CYP4F12: variants seen among roughly 807,000 people sequenced by gnomAD.
The protein encoded by CYP4F12 is cytochrome P450 4F12.
A neutral mutation model predicts 56.5 loss-of-function variants in CYP4F12; 60 were observed. The observed-to-expected ratio is 1.06, with a 90% CI of 0.86 to 1.32. The LOEUF (loss-of-function observed/expected upper bound fraction) is 1.32, where lower values mean the gene tolerates loss of function less well. Among genes scored for constraint, CYP4F12 ranks in the 40% most tolerant of loss-of-function variants. The pLI is 0.00. For synonymous variants in CYP4F12, 263 were observed against 264.9 expected (o/e 0.99, Z 0.07); for missense variants, 711 against 683.5 (o/e 1.04, Z -0.45).
At chr19:15,691,608 A>G (rs1020995236) in intron 9 of CYP4F12, among the ~76,000 whole-genome samples, 17 of 152,208 alleles carry the variant, frequency 1.1e-4, no homozygotes, top group African/African-American at 4.1e-4. Context: ...TTTTCTTTCT[A>G]TGGGAGTGGT....
Position 15,684,927 on chromosome 19 carries a change from C to A in CYP4F12, c.985+45C>A, listed in dbSNP as rs766879319. On this transcript the variant is annotated intron_variant, in intron 8 of 12. Transcript: ENST00000550308. ...ACTACAGTGGAGACAGAGGTCCCTC[C>A]ATCTCAGGATCCGGGTGGGTGGACC... 2.5e-5 allele frequency: 40 copies of A among 1,570,328 alleles called. No homozygotes were observed. The South Asian group carries it at 4.5e-4, about 18-fold the overall frequency.
chr19:15,691,950 A>C (rs184473057), intron 9 of CYP4F12, among the ~76,000 whole-genome samples: 1 of 151,542 alleles, frequency 6.6e-6, no homozygotes, highest in East Asian at 1.9e-4. Context: ...TCTTACTGTG[A>C]CTTTTCTTTT....
rs1424470032 is a variant in CYP4F12 at position 15,696,255 on chromosome 19, C to G, written c.1314+30C>G. The G allele has an allele frequency of 6.2e-6, 10 of 1,613,716 alleles. No individual in the cohort carries two copies. The East Asian group carries it at 2.0e-4, about 32-fold the overall frequency. On this transcript the variant is annotated intron_variant, in intron 11 of 12. Transcript: ENST00000550308. ...TGCCTTCCCCATTCACCACCACCAC[C>G]CCCATCCTCTACTTTTGTGTGTGTG... is the stretch of plus-strand genomic sequence containing the variant.
intron 9 of CYP4F12, 84 bp downstream of exon 9, chr19:15,685,281 T>A: frequency 6.5e-7 from 1 of 1,546,764 alleles, no homozygotes; most frequent in Non-Finnish European, 8.8e-7. Context: ...AGTTGTTTTG[T>A]GGATTCTTCC....
rs1296207407 is a variant in CYP4F12, at chr19:15,673,430, G to A, written c.-1-99G>A. On this transcript the variant is annotated intron_variant, in intron 1 of 12. Coordinates refer to ENST00000550308, the MANE Select transcript of CYP4F12 (RefSeq NM_023944.4). The stretch of plus-strand genomic sequence containing the variant: ...GTTTACTCACCCCTGAGCCCTCCCT[G>A]CCCTGCCCCCAGCAGTTCCTGACTT... The A allele has an allele frequency of 3.0e-4, 419 of 1,377,456 alleles. 4 individuals are homozygous for A. Among genetic ancestry groups the A allele is most frequent in the Non-Finnish European group, 3.0e-4 (304 of 1,002,016 alleles). The allele number at this position is 1,377,456 out of a possible 1,614,324, so 85.3% of individuals were successfully genotyped here.
intron 3 of CYP4F12, 78 bp downstream of exon 3, chr19:15,678,483 G>C: frequency 1.3e-6 from 2 of 1,552,858 alleles, no homozygotes; most frequent in Non-Finnish European, 1.8e-6. Flanking sequence ...GTCCCTCCTT[G>C]AGTACTCGTG....
At chr19:15,694,921 A>G (rs900999752) in intron 9 of CYP4F12, among the ~76,000 whole-genome samples, 124 of 152,340 alleles carry the variant, frequency 8.1e-4, no homozygotes, top group African/African-American at 2.8e-3. Context: ...AAACTAGTTC[A>G]ACCATGGTGG....
Position 15,697,027 on chromosome 19 carries a change from T to C in CYP4F12, c.1517T>C (p.Met506Thr), listed in dbSNP as rs184430991. 6 of 1,614,076 alleles carry C rather than the reference T, an allele frequency of 3.7e-6. No individual in the cohort carries two copies. The highest frequency in any genetic ancestry group is 1.3e-5 in the African/African-American group (1 of 74,958). The change falls in exon 13 of 13, where the codon ATG becomes ACG. Residue 506 changes from methionine (M) to threonine (T), a missense_variant. Coordinates refer to ENST00000550308, the MANE Select transcript of CYP4F12 (RefSeq NM_023944.4). Reference sequence around the variant, plus strand: ...CCCCGCAGGAAGCTGGAATTGATCATGCGCGCCGAGGGCGGGCTTTGGCTG... The same window carrying C: ...CCCCGCAGGAAGCTGGAATTGATCACGCGCGCCGAGGGCGGGCTTTGGCTG... ...TEPRRKLELI[M>T]RAEGGLWLRV...
intron 9 of CYP4F12, among the ~76,000 whole-genome samples, chr19:15,685,729 A>G (rs1312347782): frequency 1.3e-5 from 2 of 152,146 alleles, no homozygotes; most frequent in Non-Finnish European, 2.9e-5. Flanking sequence ...GATGACATCT[A>G]GACATGTTCA....
chr19:15,686,262 G>A (rs2007598511), intron 9 of CYP4F12, among the ~76,000 whole-genome samples: 1 of 152,170 alleles, frequency 6.6e-6, no homozygotes, highest in Admixed American at 6.5e-5. Flanking sequence ...ATCAACCTGG[G>A]CAATATAGAA....
At chr19:15,695,499 A>T (rs2008080344) in intron 9 of CYP4F12, among the ~76,000 whole-genome samples, 1 of 89,236 alleles carries the variant, frequency 1.1e-5, no homozygotes, top group African/African-American at 6.2e-5. Flanking sequence ...AAGTATAATA[A>T]TAATAAAAAA....
chr19:15,689,823 C>G (rs1266860402), intron 9 of CYP4F12, among the ~76,000 whole-genome samples: 5 of 152,164 alleles, frequency 3.3e-5, no homozygotes, highest in Admixed American at 3.3e-4. Flanking sequence ...GAGCTGGAGG[C>G]CATTATTCTA....
chr19:15,678,679 G>C (rs1599951593), intron 3 of CYP4F12: 2 of 401,342 alleles, frequency 5.0e-6, no homozygotes, highest in Admixed American at 3.5e-5. Context: ...TCAGGAATGG[G>C]CAAGAGAGAG....
At chr19:15,673,352 C>T (rs2006719684) in intron 1 of CYP4F12, 177 bp from the exon 2 acceptor site, 1 of 657,432 alleles carries the variant, frequency 1.5e-6, no homozygotes, top group Non-Finnish European at 2.6e-6. Context: ...TACTGGAGGC[C>T]ACTTAGTTGT....
chr19:15,692,493 G>A (rs664973), intron 9 of CYP4F12, among the ~76,000 whole-genome samples: 141,566 of 152,180 alleles, frequency 0.93, 65,908 homozygotes, highest in East Asian at 1. Flanking sequence ...TCTATGCCCA[G>A]TGAACATAGT....
At chr19:15,685,570 A>G (rs936132495) in intron 9 of CYP4F12, among the ~76,000 whole-genome samples, 1 of 152,252 alleles carries the variant, frequency 6.6e-6, no homozygotes, top group African/African-American at 2.4e-5. Flanking sequence ...GTTTTTGTCA[A>G]TTCTTCCATT....
In CYP4F12 at chr19:15,683,678, TC is replaced by T; in HGVS notation, c.837del (p.Thr280LeufsTer25). 1 of 1,612,946 alleles carries T rather than the reference TC, an allele frequency of 6.2e-7. No individual in the cohort carries two copies. The highest frequency in any genetic ancestry group is 8.5e-7 in the Non-Finnish European group (1 of 1,179,576). On this transcript the variant is annotated frameshift_variant, in exon 7 of 13. Coordinates refer to ENST00000550308, the MANE Select transcript of CYP4F12 (RefSeq NM_023944.4). LOFTEE classifies it high-confidence loss of function. ...DAVIRERRRT[L>X]PTQGIDDFFK... ...GTCATCCGGGAGCGGCGTCGCACCCTCCCCACTCAGGGTATTGATGATTTTT... is the reference window on the plus strand; with the variant it reads ...GTCATCCGGGAGCGGCGTCGCACCCTCCCACTCAGGGTATTGATGATTTTT...
chr19:15,678,843 C>T (rs1211590563), intron 3 of CYP4F12, among the ~76,000 whole-genome samples: 6 of 152,184 alleles, frequency 3.9e-5, no homozygotes, highest in African/African-American at 1.4e-4. Flanking sequence ...ATTTGGGGTC[C>T]CAGCCAGTCC....
At chr19:15,683,377 C>T in intron 6 of CYP4F12, 116 bp from the exon 7 acceptor site, 1 of 1,120,734 alleles carries the variant, frequency 8.9e-7, no homozygotes, top group Non-Finnish European at 1.3e-6. Context: ...CTAGGACCAT[C>T]TATTTCTAGA....
Sources: gnomAD v4.1 joint callset for allele counts (sites outside exome capture counted in the v4.1 genomes callset) on GRCh38, gnomAD v4.1.1 for gene constraint, MANE v1.5 for transcripts, NCBI Gene and HGNC (gene_info 2026-07-23, HGNC 2026-07-21) for gene names.